MLPH: variants seen among roughly 807,000 people sequenced by gnomAD.
MLPH encodes melanophilin, also known as exophilin-3.
A neutral mutation model predicts 72.1 loss-of-function variants in MLPH; 51 were observed. The observed-to-expected ratio is 0.71, with a 90% CI of 0.56 to 0.89. The LOEUF (loss-of-function observed/expected upper bound fraction) is 0.89, where lower values mean the gene tolerates loss of function less well. Ranked by LOEUF, MLPH falls within the 40% of genes least tolerant of loss-of-function variation. MLPH has a pLI of 0.00. For synonymous variants in MLPH, 301 were observed against 310.1 expected, an observed-to-expected ratio of 0.97 and a Z score of 0.31; for missense variants, 743 against 759.9, an observed-to-expected ratio of 0.98 and a Z score of 0.26.
chr2:237,527,546 G>A (rs1193048591), intron 8 of MLPH, 30 bp downstream of exon 8: 5 of 1,613,784 alleles, frequency 3.1e-6, no homozygotes, highest in Non-Finnish European at 4.2e-6. Flanking sequence ...CTTCTGTCTT[G>A]TCGTTTCTTT....
chr2:237,492,685 C>G (rs1268667563), intron 1 of MLPH, among the ~76,000 whole-genome samples: 1 of 152,138 alleles, frequency 6.6e-6, no homozygotes, highest in African/African-American at 2.4e-5. Flanking sequence ...TTTTGCCTCC[C>G]CAGGGAAATT....
chr2:237,514,970 T>C (rs866168269), intron 4 of MLPH, among the ~76,000 whole-genome samples: 4 of 152,364 alleles, frequency 2.6e-5, no homozygotes, highest in Middle Eastern at 3.4e-3. Context: ...CAGCGTGTGC[T>C]TGTCACCTGA....
chr2:237,501,664 TAAAA>T (rs58268748), intron 2 of MLPH, among the ~76,000 whole-genome samples: 1 of 63,550 alleles, frequency 1.6e-5, no homozygotes, highest in Non-Finnish European at 2.6e-5. Flanking sequence ...ACGTCTCTAC[TAAAA>T]AAAAAAAAAA....
chr2:237,494,211 AGAGGGTG>A (rs762833087), intron 2 of MLPH, among the ~76,000 whole-genome samples: 67 of 152,190 alleles, frequency 4.4e-4, no homozygotes, highest in Non-Finnish European at 8.1e-4. Flanking sequence ...GACAGAGGGC[AGAGGGTG>A]GAGGGCAGAG....
rs186378657 is a variant in MLPH, at chr2:237,511,853, T to C, written c.445+752T>C. On this transcript the variant is annotated intron_variant, in intron 4 of 15. Transcript: ENST00000264605. ...TCCCCCATAAGGCATTTGGAAGAGA[T>C]CTTTTCAGGGAGAGGGTGGGAGGAT... 1.8e-4 allele frequency among the ~76,000 whole-genome samples: 28 copies of C among 152,312 alleles called. No homozygotes were observed. In the East Asian group the frequency reaches 5.4e-3, roughly 29 times the overall value.
At chr2:237,511,260 C>A in intron 4 of MLPH, 159 bp downstream of exon 4, 2 of 577,072 alleles carry the variant, frequency 3.5e-6, no homozygotes, top group Non-Finnish European at 3.0e-6. Context: ...ATTCCTGCTT[C>A]TGGCTGCTTT....
At position 237,526,952 on chromosome 2, in the gene MLPH, G is replaced by A. The variant is rs533281382; in HGVS notation, c.881-425G>A. 1.9e-4 allele frequency among the ~76,000 whole-genome samples: 29 copies of A among 152,270 alleles called. No individual in the cohort carries two copies. The South Asian group carries it at 3.5e-3, about 19-fold the overall frequency. ...TCATTGTACAAAAGGGGTTAACAAC[G>A]TCTAACTCATCCCATTGTCATAGGG... On this transcript the variant is annotated intron_variant, in intron 7 of 15. Transcript: ENST00000264605.
chr2:237,528,199 GT>G (rs1477388242), intron 8 of MLPH, among the ~76,000 whole-genome samples: 1 of 152,134 alleles, frequency 6.6e-6, no homozygotes, highest in Non-Finnish European at 1.5e-5. Context: ...GAGATGGACG[GT>G]GGTGACAGTT....
At chr2:237,549,034 G>A (rs978947977) in intron 13 of MLPH, among the ~76,000 whole-genome samples, 187 bp from the exon 14 acceptor site, 22 of 152,200 alleles carry the variant, frequency 1.4e-4, no homozygotes, top group African/African-American at 5.1e-4. Flanking sequence ...CTTATTTCAG[G>A]CATTTCATGC....
chr2:237,496,432 C>T (rs957637463), intron 2 of MLPH, among the ~76,000 whole-genome samples: 4 of 152,182 alleles, frequency 2.6e-5, no homozygotes, highest in African/African-American at 9.7e-5. Context: ...TTCTGACACC[C>T]GTCTTTCCTT....
At chr2:237,550,447 A>G (rs752529297) in intron 14 of MLPH, among the ~76,000 whole-genome samples, 1 of 152,136 alleles carries the variant, frequency 6.6e-6, no homozygotes, top group Non-Finnish European at 1.5e-5. Context: ...GCCAGAGATG[A>G]CCCACTAAGG....
intron 2 of MLPH, among the ~76,000 whole-genome samples, chr2:237,502,728 G>A (rs941631818): frequency 1.3e-5 from 2 of 152,202 alleles, no homozygotes; most frequent in African/African-American, 2.4e-5. Context: ...AGGTGGTGAC[G>A]TGGATTTGTG....
chr2:237,489,203 C>T (rs558173189), intron 1 of MLPH, among the ~76,000 whole-genome samples: 26 of 152,358 alleles, frequency 1.7e-4, no homozygotes, highest in African/African-American at 4.8e-4. Context: ...CCCATCCTTG[C>T]GGTAGAGACT....
chr2:237,495,298 A>T (rs115495894), intron 2 of MLPH, among the ~76,000 whole-genome samples: 535 of 152,350 alleles, frequency 3.5e-3, no homozygotes, highest in African/African-American at 0.012. Context: ...TTCCATCGGC[A>T]AAGTCCCTTT....
chr2:237,524,321 A>ATATATATATATATATATATATAT (rs1559357447), intron 6 of MLPH, among the ~76,000 whole-genome samples: 40 of 146,166 alleles, frequency 2.7e-4, no homozygotes, highest in African/African-American at 8.7e-4. Flanking sequence ...ATATATATAT[A>ATATATATATATATATATATATAT]AAGGGGAGTT....
chr2:237,500,618 C>T (rs77957237), intron 2 of MLPH, among the ~76,000 whole-genome samples: 2,194 of 152,224 alleles, frequency 0.014, 21 homozygotes, highest in Non-Finnish European at 0.024. Flanking sequence ...CACGACACTG[C>T]GGCCAAAGTG....
chr2:237,546,734 G>A (rs763796207), intron 13 of MLPH, 51 bp downstream of exon 13: 2 of 1,496,722 alleles, frequency 1.3e-6, no homozygotes, highest in South Asian at 1.1e-5. Context: ...GTGGAAGACT[G>A]CACCCCTTTC....
chr2:237,517,561 G>GGCTA (rs2080068626), intron 4 of MLPH, among the ~76,000 whole-genome samples: 1 of 151,220 alleles, frequency 6.6e-6, no homozygotes, highest in African/African-American at 2.4e-5. Flanking sequence ...GTGAGTGGAT[G>GGCTA]GGCAGCTGGG....
At chr2:237,550,980 AC>A (rs1398986446) in intron 14 of MLPH, among the ~76,000 whole-genome samples, 4 of 152,230 alleles carry the variant, frequency 2.6e-5, no homozygotes, top group Admixed American at 2.6e-4. Flanking sequence ...AGAATAGCTC[AC>A]CCCCGGCCCC....
Sources: allele counts gnomAD v4.1 joint callset (sites outside exome capture counted in the v4.1 genomes callset), GRCh38; gene constraint gnomAD v4.1.1; transcripts MANE v1.5; gene names NCBI Gene and HGNC (gene_info 2026-07-23, HGNC 2026-07-21).